Variants in PDE7B observed in about 807,000 individuals in gnomAD.
The protein encoded by PDE7B is phosphodiesterase 7B.
In PDE7B, 29 loss-of-function variants were observed where a neutral mutation model predicts 56.2. The ratio of observed to expected loss-of-function variants is 0.52; its 90% CI spans 0.38 to 0.70. The LOEUF is 0.70. Ranked by LOEUF, PDE7B falls within the 30% of genes least tolerant of loss-of-function variation. The pLI, the probability that PDE7B is intolerant of heterozygous loss-of-function variation, is 0.00. For synonymous variants in PDE7B, 197 were observed against 196.9 expected (o/e 1.00, Z 0.00); for missense variants, 490 against 565.0 (o/e 0.87, Z 1.35).
chr6:136,111,478 A>G (rs1241632971), intron 3 of PDE7B, among the ~76,000 whole-genome samples: 4 of 152,238 alleles, frequency 2.6e-5, no homozygotes, highest in African/African-American at 7.2e-5. Context: ...AGTTGAAACT[A>G]GAACAGATAA....
At chr6:135,990,354 C>T (rs374424634) in intron 2 of PDE7B, among the ~76,000 whole-genome samples, 7 of 152,120 alleles carry the variant, frequency 4.6e-5, no homozygotes, top group African/African-American at 1.7e-4. Flanking sequence ...CCTCATTCCC[C>T]CAAAGTGCTG....
At chr6:136,150,855 ATG>A (rs60877369) in intron 5 of PDE7B, among the ~76,000 whole-genome samples, 1,859 of 150,598 alleles carry the variant, frequency 0.012, 32 homozygotes, top group African/African-American at 0.04. Context: ...ACATATACAC[ATG>A]TGTGTGTGTG....
At chr6:135,902,296 A>G (rs1489094987) in intron 1 of PDE7B, among the ~76,000 whole-genome samples, 1 of 151,714 alleles carries the variant, frequency 6.6e-6, no homozygotes. Flanking sequence ...CAGAGCACAC[A>G]GATCTCTAGG....
At chr6:135,964,279 T>C (rs1223904133) in intron 2 of PDE7B, among the ~76,000 whole-genome samples, 1 of 151,926 alleles carries the variant, frequency 6.6e-6, no homozygotes, top group Non-Finnish European at 1.5e-5. Flanking sequence ...AATTTTTATA[T>C]TTTCAGTAGA....
At chr6:135,934,564 T>TA (rs992089657) in intron 1 of PDE7B, among the ~76,000 whole-genome samples, 10 of 148,962 alleles carry the variant, frequency 6.7e-5, no homozygotes, top group African/African-American at 1.7e-4. Context: ...CTGTCTCTAC[T>TA]AAAAAAAATA....
At chr6:135,995,899 G>A (rs1775556481) in intron 2 of PDE7B, among the ~76,000 whole-genome samples, 1 of 151,998 alleles carries the variant, frequency 6.6e-6, no homozygotes, top group African/African-American at 2.4e-5. Context: ...CTATTATAAG[G>A]AATTGTTTTA....
intron 2 of PDE7B, among the ~76,000 whole-genome samples, chr6:136,071,486 A>G (rs188779734): frequency 2.6e-5 from 4 of 152,348 alleles, no homozygotes; most frequent in East Asian, 1.9e-4. Flanking sequence ...GTGTGTATAC[A>G]TAAGTTTAAT....
intron 2 of PDE7B, among the ~76,000 whole-genome samples, chr6:136,082,133 G>T (rs1035193099): frequency 6.6e-6 from 1 of 152,158 alleles, no homozygotes; most frequent in Non-Finnish European, 1.5e-5. Context: ...TGTTTCCTGT[G>T]GTCCTGACGC....
intron 2 of PDE7B, among the ~76,000 whole-genome samples, chr6:136,089,167 CT>C (rs1777343148): frequency 6.6e-6 from 1 of 152,164 alleles, no homozygotes; most frequent in Admixed American, 6.5e-5. Flanking sequence ...GAACTGTGAG[CT>C]TGTGAATTAT....
At chr6:136,162,781 G>T (rs1467022735) in intron 8 of PDE7B, among the ~76,000 whole-genome samples, 1 of 152,194 alleles carries the variant, frequency 6.6e-6, no homozygotes, top group Non-Finnish European at 1.5e-5. Context: ...CCAAATGGGA[G>T]AAATTGGCCA....
intron 1 of PDE7B, among the ~76,000 whole-genome samples, chr6:135,934,353 C>A (rs1460987145): frequency 6.6e-6 from 1 of 151,910 alleles, no homozygotes; most frequent in African/African-American, 2.4e-5. Flanking sequence ...GTACTCTGAC[C>A]AAGGAGATTT....
chr6:136,080,435 G>A (rs190410944), intron 2 of PDE7B, among the ~76,000 whole-genome samples: 14 of 152,116 alleles, frequency 9.2e-5, no homozygotes, highest in Admixed American at 7.2e-4. Context: ...CTTTCAGCAC[G>A]TCTTCCTCCA....
intron 2 of PDE7B, among the ~76,000 whole-genome samples, chr6:135,961,648 T>A (rs1324551965): frequency 6.6e-6 from 1 of 152,304 alleles, no homozygotes; most frequent in South Asian, 2.1e-4. Context: ...ATAGTTATTC[T>A]TTGTTGAACA....
At chr6:136,185,480 G>A (rs1226744965) in intron 11 of PDE7B, among the ~76,000 whole-genome samples, 1 of 152,092 alleles carries the variant, frequency 6.6e-6, no homozygotes, top group Non-Finnish European at 1.5e-5. Flanking sequence ...ATATGCCTGG[G>A]AGGAGGGCTC....
At chr6:136,111,885 T>G (rs1372123362) in intron 3 of PDE7B, among the ~76,000 whole-genome samples, 1 of 152,206 alleles carries the variant, frequency 6.6e-6, no homozygotes, top group Admixed American at 6.5e-5. Flanking sequence ...TTCATTTTCC[T>G]TGGGTGCTTG....
At chr6:135,992,154 A>G (rs190595559) in intron 2 of PDE7B, among the ~76,000 whole-genome samples, 4 of 152,206 alleles carry the variant, frequency 2.6e-5, no homozygotes, top group Admixed American at 2.6e-4. Context: ...CTGAAAGAAG[A>G]AGAATTGTCT....
At chr6:135,869,956 G>A (rs1007022480) in intron 1 of PDE7B, among the ~76,000 whole-genome samples, 5 of 152,186 alleles carry the variant, frequency 3.3e-5, no homozygotes, top group African/African-American at 9.7e-5. Flanking sequence ...TATTCACAGG[G>A]CGTGGTGGAA....
chr6:136,088,305 A>AG (rs1002283979), intron 2 of PDE7B, among the ~76,000 whole-genome samples: 3 of 152,176 alleles, frequency 2.0e-5, no homozygotes, highest in African/African-American at 7.2e-5. Context: ...CAGCCCCACA[A>AG]GGGGGGAGTG....
intron 3 of PDE7B, among the ~76,000 whole-genome samples, chr6:136,111,360 C>T (rs552762330): frequency 2.0e-5 from 3 of 152,164 alleles, no homozygotes; most frequent in Non-Finnish European, 4.4e-5. Context: ...GAATGTAAAT[C>T]ATCCCCTGTG....
Sources: allele counts gnomAD v4.1 joint callset (sites outside exome capture counted in the v4.1 genomes callset), GRCh38; gene constraint gnomAD v4.1.1; transcripts MANE v1.5; gene names NCBI Gene and HGNC (gene_info 2026-07-23, HGNC 2026-07-21).